Variants in SNX8 observed in about 807,000 individuals in gnomAD.
SNX8 encodes sorting nexin 8.
In SNX8, 25 loss-of-function variants were observed where a neutral mutation model predicts 51.6. The ratio of observed to expected loss-of-function variants is 0.48; its 90% CI spans 0.35 to 0.68. The LOEUF is 0.68. Among genes scored for constraint, SNX8 ranks in the 30% least tolerant of loss-of-function variants. The pLI, the probability that SNX8 is intolerant of heterozygous loss-of-function variation, is 0.00. For synonymous variants in SNX8, 324 were observed against 277.0 expected (o/e 1.17, Z -1.68); for missense variants, 695 against 624.0 (o/e 1.11, Z -1.21).
intron 1 of SNX8, among the ~76,000 whole-genome samples, chr7:2,347,762 C>T (rs1779060113): frequency 6.6e-6 from 1 of 151,786 alleles, no homozygotes; most frequent in African/African-American, 2.4e-5. Context: ...TCTCCTGTGT[C>T]AGCCTCCCAA....
chr7:2,265,021 C>T (rs966129167), intron 5 of SNX8, among the ~76,000 whole-genome samples: 3 of 152,008 alleles, frequency 2.0e-5, no homozygotes, highest in Non-Finnish European at 2.9e-5. Flanking sequence ...GGCGACAGAA[C>T]GAGACTCTGT....
rs915773019 is a variant in SNX8 at position 2,302,668 on chromosome 7, C to T, written c.94+11660G>A. On this transcript the variant is annotated intron_variant, in intron 1 of 10. Coordinates refer to ENST00000222990, the MANE Select transcript of SNX8 (RefSeq NM_013321.4). ...ATCTAGGAAGTGAGGAGCACCTCTT[C>T]CCGGCCGCCACCACATCTAGGAAGT... 2.6e-5 allele frequency among the ~76,000 whole-genome samples: 4 copies of T among 151,946 alleles called. No homozygotes were observed. In the South Asian group the frequency reaches 8.3e-4, roughly 31 times the overall value.
intron 1 of SNX8, among the ~76,000 whole-genome samples, chr7:2,281,634 T>C (rs1224246002): frequency 6.6e-6 from 1 of 151,756 alleles, no homozygotes; most frequent in Non-Finnish European, 1.5e-5. Flanking sequence ...GCCTGGACAA[T>C]ACACCCTAAA....
At chr7:2,323,317 G>A (rs1345287454) in intron 1 of SNX8, among the ~76,000 whole-genome samples, 8 of 116,740 alleles carry the variant, frequency 6.9e-5, no homozygotes, top group Non-Finnish European at 1.3e-4. Flanking sequence ...GCGACAGAGT[G>A]AGAGTCTGTC....
intron 7 of SNX8, among the ~76,000 whole-genome samples, chr7:2,261,833 G>A (rs1022341812): frequency 6.6e-6 from 1 of 152,302 alleles, no homozygotes; most frequent in East Asian, 1.9e-4. Flanking sequence ...GCACCTGAGC[G>A]CCCCGTTTCC....
At chr7:2,266,308 C>G (rs143498358) in intron 5 of SNX8, among the ~76,000 whole-genome samples, 2 of 151,902 alleles carry the variant, frequency 1.3e-5, no homozygotes, top group Admixed American at 1.3e-4. Flanking sequence ...CCTCAGCCTC[C>G]CAAATAGCTG....
intron 4 of SNX8, 121 bp from the exon 5 acceptor site, chr7:2,269,760 T>C (rs1016548300): frequency 3.4e-6 from 2 of 593,682 alleles, no homozygotes; most frequent in Non-Finnish European, 3.0e-6. Context: ...TTTCCATATG[T>C]TGGCTTTGAC....
intron 1 of SNX8, among the ~76,000 whole-genome samples, chr7:2,325,369 G>C (rs1778604091): frequency 6.6e-6 from 1 of 152,168 alleles, no homozygotes; most frequent in Non-Finnish European, 1.5e-5. Context: ...GTTGTTACTA[G>C]AAATAGGGAA....
chr7:2,335,515 G>GA (rs1174992712), intron 1 of SNX8, among the ~76,000 whole-genome samples: 1 of 151,364 alleles, frequency 6.6e-6, no homozygotes, highest in Admixed American at 6.6e-5. Context: ...TATGCTGAGT[G>GA]AAAGTAGCCA....
At chr7:2,353,268 T>A (rs891851166) in intron 1 of SNX8, among the ~76,000 whole-genome samples, 1 of 151,832 alleles carries the variant, frequency 6.6e-6, no homozygotes, top group Non-Finnish European at 1.5e-5. Context: ...CTTGTAATCC[T>A]GGCACTTTGG....
chr7:2,309,715 G>C, intron 1 of SNX8: 1 of 454,740 alleles, frequency 2.2e-6, no homozygotes, highest in Non-Finnish European at 4.6e-6. Context: ...TGGACAACAA[G>C]AGCGAGACTC....
At chr7:2,340,068 T>G (rs912931495) in intron 1 of SNX8, among the ~76,000 whole-genome samples, 7 of 151,122 alleles carry the variant, frequency 4.6e-5, no homozygotes, top group Non-Finnish European at 7.4e-5. Context: ...TACAAAACTT[T>G]TTTTTTTTTT....
intron 1 of SNX8, among the ~76,000 whole-genome samples, chr7:2,311,772 C>G (rs1261999536): frequency 5.0e-4 from 76 of 150,850 alleles, no homozygotes; most frequent in Admixed American, 7.9e-4. Context: ...CCCGTCTCTA[C>G]TAAAAATACA....
At chr7:2,346,763 G>GA (rs1231879147) in intron 1 of SNX8, among the ~76,000 whole-genome samples, 13 of 95,480 alleles carry the variant, frequency 1.4e-4, no homozygotes, top group African/African-American at 3.8e-4. Context: ...AAAAAAAACA[G>GA]AAAAAAATTA....
At chr7:2,266,856 A>T (rs912096667) in intron 5 of SNX8, among the ~76,000 whole-genome samples, 9 of 152,242 alleles carry the variant, frequency 5.9e-5, no homozygotes, top group Non-Finnish European at 1.3e-4. Flanking sequence ...CCAAAAACAA[A>T]AAAACTACCA....
chr7:2,336,801 G>A (rs1307136929), intron 1 of SNX8, among the ~76,000 whole-genome samples: 2 of 151,650 alleles, frequency 1.3e-5, no homozygotes, highest in Middle Eastern at 3.4e-3. Flanking sequence ...GAGGTCAGAA[G>A]TTCGAGAGTA....
chr7:2,282,379 C>T (rs146833332), intron 1 of SNX8, among the ~76,000 whole-genome samples: 3 of 152,116 alleles, frequency 2.0e-5, no homozygotes, highest in East Asian at 1.9e-4. Flanking sequence ...ACCAGGCATG[C>T]GGTGAGGGGC....
Position 2,342,872 on chromosome 7 carries a change from G to C in SNX8, c.-66+11350C>G, listed in dbSNP as rs866769083. On this transcript the variant is annotated intron_variant, in intron 1 of 5. Coordinates refer to the SNX8 transcript ENST00000435336. Reference sequence around the variant, plus strand: ...GAGTCTCGCTCTGTCGCCTAGGCTGGAGTGCAGTGGCATGATCTCGGCTCG... The same window carrying C: ...GAGTCTCGCTCTGTCGCCTAGGCTGCAGTGCAGTGGCATGATCTCGGCTCG... Among the ~76,000 whole-genome samples, 3 of 151,878 alleles carry C rather than the reference G, an allele frequency of 2.0e-5. No homozygotes were observed. In the South Asian group the frequency reaches 6.3e-4, roughly 32 times the overall value.
intron 1 of SNX8, among the ~76,000 whole-genome samples, chr7:2,327,904 C>G (rs915316406): frequency 6.6e-6 from 1 of 152,064 alleles, no homozygotes; most frequent in African/African-American, 2.4e-5. Flanking sequence ...CATTTGTCAC[C>G]CAGGCTGGAG....
Sources: allele counts gnomAD v4.1 joint callset (sites outside exome capture counted in the v4.1 genomes callset), GRCh38; gene constraint gnomAD v4.1.1; transcripts MANE v1.5; gene names NCBI Gene and HGNC (gene_info 2026-07-23, HGNC 2026-07-21).